PLIN3: variants seen among roughly 807,000 people sequenced by gnomAD.
PLIN3 encodes perilipin-3.
Under a neutral mutation model 35.9 loss-of-function variants are expected in PLIN3, and 30 were observed. That is an observed-to-expected ratio of 0.84 (90% confidence interval 0.62 to 1.13). The LOEUF (loss-of-function observed/expected upper bound fraction) is 1.13, where lower values mean the gene tolerates loss of function less well. Among genes scored for constraint, PLIN3 ranks in the 50% most tolerant of loss-of-function variants. The pLI, the probability that PLIN3 is intolerant of heterozygous loss-of-function variation, is 0.00. For missense variants in PLIN3, 603 were observed against 596.9 expected, an observed-to-expected ratio of 1.01 and a Z score of -0.11; for synonymous variants, 261 against 262.5, an observed-to-expected ratio of 0.99 and a Z score of 0.06.
chr19:4,841,904 CAAAAAAAAAAA>C (rs111932271), intron 7 of PLIN3, among the ~76,000 whole-genome samples: 7,460 of 38,642 alleles, frequency 0.19, 327 homozygotes, highest in Middle Eastern at 0.36. Context: ...GACTCCATCT[CAAAAAAAAAAA>C]AAAAAAAAAA....
chr19:4,846,364 T>C (rs1211709491), intron 6 of PLIN3, among the ~76,000 whole-genome samples: 1 of 147,666 alleles, frequency 6.8e-6, no homozygotes, highest in Non-Finnish European at 1.5e-5. Context: ...AAGCTATCCA[T>C]TAGGGTGGGC....
chr19:4,861,721 C>T (rs995952786), intron 1 of PLIN3, among the ~76,000 whole-genome samples: 4 of 151,764 alleles, frequency 2.6e-5, no homozygotes, highest in African/African-American at 7.3e-5. Context: ...CTGCAACCTC[C>T]GCCTCCTGGT....
intron 7 of PLIN3, among the ~76,000 whole-genome samples, chr19:4,840,074 T>C (rs1011477467): frequency 4.0e-5 from 6 of 150,682 alleles, no homozygotes; most frequent in Non-Finnish European, 8.9e-5. Context: ...TTCAAGCGAT[T>C]CTCCTACCTC....
intron 4 of PLIN3, among the ~76,000 whole-genome samples, chr19:4,857,773 C>G (rs2146211236): frequency 6.6e-6 from 1 of 151,096 alleles, no homozygotes; most frequent in African/African-American, 2.4e-5. Flanking sequence ...GTCGGGAGCT[C>G]GAGACCAGCC....
intron 6 of PLIN3, among the ~76,000 whole-genome samples, chr19:4,846,545 A>G (rs1363000813): frequency 2.7e-5 from 4 of 150,586 alleles, no homozygotes; most frequent in Admixed American, 6.6e-5. Context: ...CTAAAAATAC[A>G]AAAATTAGCC....
intron 7 of PLIN3, 126 bp from the exon 8 acceptor site, chr19:4,839,662 C>A: frequency 4.9e-6 from 3 of 612,654 alleles, no homozygotes; most frequent in Non-Finnish European, 7.4e-6. Flanking sequence ...TTTCCATAGG[C>A]GAAACTTTTT....
chr19:4,848,969 TTTC>T (rs1351808918), intron 5 of PLIN3, among the ~76,000 whole-genome samples: 10 of 152,122 alleles, frequency 6.6e-5, no homozygotes, highest in Admixed American at 3.3e-4. Context: ...TCCTGTACTT[TTTC>T]TTCTTTTTTT....
Position 4,847,593 on chromosome 19 carries a change from C to T in PLIN3, c.834+98G>A, listed in dbSNP as rs535251992. ...GAGCAAGCGGGAATGGCCCTGCCAG[C>T]CTGCAGAGGGGTGAGCAATAAGCCA... On this transcript the variant is annotated intron_variant, in intron 6 of 7. Transcript: ENST00000221957. The T allele has an allele frequency of 1.1e-5, 11 of 1,014,014 alleles. No homozygotes were observed. The South Asian group carries it at 1.4e-4, about 13-fold the overall frequency. 62.8% of individuals were successfully genotyped at this position (1,014,014 alleles called of 1,614,324 possible).
At chr19:4,846,318 GAAAA>G (rs35248667) in intron 6 of PLIN3, among the ~76,000 whole-genome samples, 1 of 138,520 alleles carries the variant, frequency 7.2e-6, no homozygotes, top group African/African-American at 2.7e-5. Flanking sequence ...CCTGTCTCTG[GAAAA>G]AAAAAAAAAA....
At position 4,849,644 on chromosome 19, in the gene PLIN3, C is replaced by T. The variant is rs577035753; in HGVS notation, c.635-1754G>A. On this transcript the variant is annotated intron_variant, in intron 5 of 7. Transcript: ENST00000221957. The stretch of plus-strand genomic sequence containing the variant: ...ATGTGTATATGCATGTATTTATTTA[C>T]TTATTTATTTATTTATTTATTTTTT... Among the ~76,000 whole-genome samples the T allele has an allele frequency of 1.7e-3, 253 of 151,246 alleles. 7 individuals carry two copies. The highest frequency in any genetic ancestry group is 2.0e-3 in the Non-Finnish European group (136 of 67,786).
At chr19:4,858,109 C>T (rs1414103370) in intron 4 of PLIN3, among the ~76,000 whole-genome samples, 2 of 151,454 alleles carry the variant, frequency 1.3e-5, no homozygotes, top group Non-Finnish European at 2.9e-5. Context: ...CCCGTCTCTA[C>T]TAAAAATACA....
Position 4,860,016 on chromosome 19 carries a change from C to A in PLIN3, c.75G>T (p.Val25=), listed in dbSNP as rs745746750. The change falls in exon 3 of 8, where the codon GTG becomes GTT. Residue 25 remains valine (V), a synonymous_variant. Transcript: ENST00000221957. ...GAGGCATGCTGGCCACACGGTCCAC[C>A]ACACTGGGCTACAGGAGAGAAGTGG... ...TVEEPVQQPS[V]VDRVASMPLI... is the part of the protein sequence containing the mutation. 1.2e-6 allele frequency: 2 copies of A among 1,614,036 alleles called. No individual in the cohort carries two copies. The highest frequency in any genetic ancestry group is 1.7e-6 in the Non-Finnish European group (2 of 1,180,026).
intron 5 of PLIN3, among the ~76,000 whole-genome samples, chr19:4,850,621 A>G (rs1409747813): frequency 7.8e-6 from 1 of 128,780 alleles, no homozygotes; most frequent in Non-Finnish European, 1.6e-5. Flanking sequence ...TTTTTAGTAG[A>G]GATGGGGTTT....
At chr19:4,866,008 C>G (rs1027718975) in intron 1 of PLIN3, among the ~76,000 whole-genome samples, 1 of 149,882 alleles carries the variant, frequency 6.7e-6, no homozygotes, top group African/African-American at 2.5e-5. Flanking sequence ...CAGGCGTGAG[C>G]CACCATGCCC....
In PLIN3 at chr19:4,852,017, C is replaced by T. The variant is rs1323487067; in HGVS notation, c.633G>A (p.Leu211=). 1 of 1,612,868 alleles carries T rather than the reference C, an allele frequency of 6.2e-7. No homozygotes were observed. The highest frequency in any genetic ancestry group is 1.7e-5 in the Admixed American group (1 of 59,936). The part of the protein sequence containing the change: ...DNHLPLTDAE[L]ARIATSLDGF... The stretch of plus-strand genomic sequence containing the variant: ...GAGCAGCCCGCTGGCCACACTTACC[C>T]AGTTCGGCATCCGTAAGGGGCAGGT... Residue 211 remains leucine, a splice_region_variant and synonymous_variant, in exon 5 of 8, where the codon CTG becomes CTA. Transcript: ENST00000221957.
At chr19:4,860,088 C>T in intron 2 of PLIN3, 64 bp from the exon 3 acceptor site, 1 of 1,465,982 alleles carries the variant, frequency 6.8e-7, no homozygotes, top group Non-Finnish European at 9.5e-7. Flanking sequence ...GCCGGAAACT[C>T]AGGGTGCCCT....
intron 7 of PLIN3, 30 bp from the exon 8 acceptor site, chr19:4,839,566 G>C (rs776168790): frequency 6.8e-7 from 1 of 1,461,992 alleles, no homozygotes; most frequent in Non-Finnish European, 9.1e-7. Flanking sequence ...CACCAATCAG[G>C]ACCATTTGTT....
chr19:4,847,909 G>T lies in PLIN3; in HGVS notation c.635-19C>A. ...ATGCGGGCTGCAAGGAAAAGGAGAA[G>T]GGTCTCTGTGAAGACCAGAACACAC... On this transcript the variant is annotated intron_variant, in intron 5 of 7. Coordinates refer to ENST00000221957, the MANE Select transcript of PLIN3 (RefSeq NM_005817.5). The T allele has an allele frequency of 6.3e-7, 1 of 1,598,492 alleles. No homozygotes were observed. The highest frequency in any genetic ancestry group is 8.6e-7 in the Non-Finnish European group (1 of 1,168,704).
chr19:4,857,274 C>T (rs1208511284), intron 4 of PLIN3, among the ~76,000 whole-genome samples: 3 of 151,908 alleles, frequency 2.0e-5, no homozygotes, highest in African/African-American at 4.8e-5. Context: ...TCCGTCTTGA[C>T]AAAAAGTACA....
Sources: gnomAD v4.1 joint callset for allele counts (sites outside exome capture counted in the v4.1 genomes callset) on GRCh38, gnomAD v4.1.1 for gene constraint, MANE v1.5 for transcripts, NCBI Gene and HGNC (gene_info 2026-07-23, HGNC 2026-07-21) for gene names.